Variants in AGO3 observed in about 807,000 individuals in gnomAD.
AGO3 encodes protein argonaute-3.
AGO3 carries 16 observed loss-of-function variants against 105.5 expected under a neutral mutation model. That is an observed-to-expected ratio of 0.15 (90% CI 0.10 to 0.23). The LOEUF is 0.23. AGO3 is among the 10% of genes least tolerant of loss of function. AGO3 has a pLI of 1.00. For missense variants in AGO3, 534 were observed against 1,088.0 expected (o/e 0.49, Z 7.16); for synonymous variants, 340 against 367.3 (o/e 0.93, Z 0.85).
chr1:35,975,608 A>G (rs1040484942), intron 5 of AGO3, among the ~76,000 whole-genome samples: 7 of 152,078 alleles, frequency 4.6e-5, no homozygotes, highest in African/African-American at 1.4e-4. Context: ...GCACACATAC[A>G]TATGTATTGG....
intron 1 of AGO3, among the ~76,000 whole-genome samples, chr1:35,936,197 G>C (rs1226090653): frequency 6.6e-6 from 1 of 151,906 alleles, no homozygotes; most frequent in African/African-American, 2.4e-5. Flanking sequence ...TGGAGTTTCT[G>C]TGGTTTTCTG....
At chr1:35,998,380 G>T (rs1158638809) in intron 5 of AGO3, among the ~76,000 whole-genome samples, 1 of 151,960 alleles carries the variant, frequency 6.6e-6, no homozygotes, top group East Asian at 1.9e-4. Context: ...TCTTATTCAT[G>T]TCTCCTTTTG....
At chr1:35,976,905 T>G (rs1389933160) in intron 5 of AGO3, among the ~76,000 whole-genome samples, 4 of 152,204 alleles carry the variant, frequency 2.6e-5, no homozygotes, top group Admixed American at 2.6e-4. Flanking sequence ...TTTTCTAAAA[T>G]GTATAACAGT....
At chr1:36,003,667 C>A (rs1396496703) in intron 5 of AGO3, among the ~76,000 whole-genome samples, 6 of 120,678 alleles carry the variant, frequency 5.0e-5, no homozygotes, top group Non-Finnish European at 9.6e-5. Context: ...GCACTCTAGA[C>A]TGGGAAACAA....
intron 5 of AGO3, among the ~76,000 whole-genome samples, chr1:35,995,209 A>AATATAT (rs748081363): frequency 0.013 from 1,490 of 114,612 alleles, 16 homozygotes; most frequent in African/African-American, 0.018. Flanking sequence ...TAAAAAAAAA[A>AATATAT]ATATATATAT....
chr1:36,057,503 A>G lies in AGO3; in HGVS notation c.*1758A>G, dbSNP rs2148867472. Reference sequence around the variant, plus strand: ...ATCATGTTTATTTTAAGAACTGACAACTTGTTTTTGCTATCTTTTAGTGCA... The same window carrying G: ...ATCATGTTTATTTTAAGAACTGACAGCTTGTTTTTGCTATCTTTTAGTGCA... On this transcript the variant is annotated 3_prime_UTR_variant, in exon 19 of 19. Transcript: ENST00000373191. The G allele has an allele frequency of 6.6e-6, 1 of 152,216 alleles. No individual in the cohort carries two copies. Among genetic ancestry groups the G allele is most frequent in the South Asian group, 2.1e-4 (1 of 4,828 alleles). 9.4% of individuals were successfully genotyped at this position (152,216 alleles called of 1,614,324 possible). A position where few individuals can be genotyped will look rare whatever the true frequency, so the allele number is the denominator to read the frequency against.
rs545163982 is a variant in AGO3 at position 36,055,276 on chromosome 1, G to A, written c.2474+131G>A. The A allele has an allele frequency of 2.1e-6, 2 of 952,092 alleles. No individual in the cohort carries two copies. Among genetic ancestry groups the A allele is most frequent in the East Asian group, 5.3e-5 (2 of 38,058 alleles). 59.0% of individuals were successfully genotyped at this position (952,092 alleles called of 1,614,324 possible). On this transcript the variant is annotated intron_variant, in intron 18 of 18. Transcript: ENST00000373191. This position sits in a 1 kb window ranked among gnomAD's most constrained non-coding sequence, Gnocchi z 4.4. ...AATGATGACAGAACTGACTGCCCAA[G>A]GTTTCCTATTGAAATATATTGTCTA...
At chr1:35,975,277 C>T (rs1646936209) in intron 5 of AGO3, among the ~76,000 whole-genome samples, 1 of 152,126 alleles carries the variant, frequency 6.6e-6, no homozygotes, top group African/African-American at 2.4e-5. Context: ...AGATTTTCTT[C>T]AATCAGATTT....
At position 36,066,084 on chromosome 1, in the gene AGO3, A is replaced by T. The variant is rs986225309; in HGVS notation, c.*10339A>T. ...TGTGCAGTAATAGATCATCCCAAAA[A>T]AGAATTGCCATGAACAGCGTTATGC... On this transcript the variant is annotated 3_prime_UTR_variant, in exon 19 of 19. Coordinates refer to ENST00000373191, the MANE Select transcript of AGO3 (RefSeq NM_024852.4). 6.6e-6 allele frequency: 1 copy of T among 152,198 alleles called. No individual in the cohort carries two copies. The highest frequency in any genetic ancestry group is 2.4e-5 in the African/African-American group (1 of 41,428). 9.4% of individuals were successfully genotyped at this position (152,198 alleles called of 1,614,324 possible). A position where few individuals can be genotyped will look rare whatever the true frequency, so the allele number is the denominator to read the frequency against.
intron 10 of AGO3, 58 bp from the exon 11 acceptor site, chr1:36,013,857 T>G: frequency 6.2e-7 from 1 of 1,602,452 alleles, no homozygotes; most frequent in Non-Finnish European, 8.5e-7. Flanking sequence ...ATGTTTACTT[T>G]CTGTTTATTG....
At chr1:35,945,379 T>A (rs1646344574) in intron 1 of AGO3, among the ~76,000 whole-genome samples, 1 of 152,064 alleles carries the variant, frequency 6.6e-6, no homozygotes, top group South Asian at 2.1e-4. Flanking sequence ...TTAACTTTAC[T>A]TTGCTATTGG....
At chr1:36,035,270 T>A (rs2148844096) in intron 13 of AGO3, among the ~76,000 whole-genome samples, 1 of 152,234 alleles carries the variant, frequency 6.6e-6, no homozygotes, top group East Asian at 1.9e-4. Flanking sequence ...TGTGGTGGCA[T>A]GTGCCTGTCG....
At chr1:36,047,802 C>G (rs188692632) in intron 17 of AGO3, among the ~76,000 whole-genome samples, 1 of 151,812 alleles carries the variant, frequency 6.6e-6, no homozygotes. Flanking sequence ...TCACTTGAGC[C>G]GGGGAGGTTG....
At chr1:35,943,922 A>G (rs1646307674) in intron 1 of AGO3, among the ~76,000 whole-genome samples, 1 of 152,114 alleles carries the variant, frequency 6.6e-6, no homozygotes, top group Non-Finnish European at 1.5e-5. Flanking sequence ...ACTTAACATA[A>G]TATCTTCAAA....
At chr1:35,939,775 A>G (rs1229895489) in intron 1 of AGO3, among the ~76,000 whole-genome samples, 1 of 152,072 alleles carries the variant, frequency 6.6e-6, no homozygotes, top group Non-Finnish European at 1.5e-5. Flanking sequence ...AGAATTTAGG[A>G]TGTATACATA....
intron 5 of AGO3, among the ~76,000 whole-genome samples, chr1:35,975,220 G>C (rs1646934539): frequency 6.6e-6 from 1 of 152,118 alleles, no homozygotes; most frequent in Admixed American, 6.5e-5. Context: ...CAATGAATGA[G>C]AGTACCAGTT....
At chr1:35,932,442 G>A (rs937956378) in intron 1 of AGO3, among the ~76,000 whole-genome samples, 3 of 152,028 alleles carry the variant, frequency 2.0e-5, no homozygotes, top group Admixed American at 6.5e-5. Context: ...AAAAACTTAC[G>A]TAAAAGAAAC....
intron 2 of AGO3, among the ~76,000 whole-genome samples, chr1:35,950,049 C>T (rs537532324): frequency 3.1e-4 from 47 of 152,216 alleles, no homozygotes; most frequent in African/African-American, 1.1e-3. Flanking sequence ...GGTGAAACCC[C>T]GTCTCTACTA....
chr1:36,006,685 CAT>C (rs150635713), intron 6 of AGO3, among the ~76,000 whole-genome samples: 1 of 152,126 alleles, frequency 6.6e-6, no homozygotes, highest in East Asian at 1.9e-4. Context: ...AATATAAAGA[CAT>C]AGTAATTCTC....
Sources: gnomAD v4.1 joint callset for allele counts (sites outside exome capture counted in the v4.1 genomes callset) on GRCh38, gnomAD v4.1.1 for gene constraint, Gnocchi (gnomAD v3.1) non-coding constraint, MANE v1.5 for transcripts, NCBI Gene and HGNC (gene_info 2026-07-23, HGNC 2026-07-21) for gene names.